The following RBM20 variants were observed in gnomAD, a reference collection of about 807,000 sequenced individuals.
The protein encoded by RBM20 is RNA binding motif protein 20.
In RBM20, 51 loss-of-function variants were observed where a neutral mutation model predicts 110.1. The observed-to-expected ratio is 0.46, with a 90% CI of 0.37 to 0.59. The LOEUF is 0.59. Among genes scored for constraint, RBM20 ranks in the 20% least tolerant of loss-of-function variants. RBM20 has a pLI of 0.00. For missense variants in RBM20, 1,512 were observed against 1,574.9 expected, an observed-to-expected ratio of 0.96 and a Z score of 0.68; for synonymous variants, 589 against 618.2, an observed-to-expected ratio of 0.95 and a Z score of 0.70.
At chr10:110,830,912 G>T (rs913676107) in intron 12 of RBM20, 149 bp from the exon 13 acceptor site, 5 of 702,752 alleles carry the variant, frequency 7.1e-6, no homozygotes, top group Non-Finnish European at 1.2e-5. Flanking sequence ...GGAAACTGAG[G>T]CTTGGAGAAG....
chr10:110,644,586 G>A lies in RBM20; in HGVS notation c.132G>A (p.Pro44=). ...CCGGCCCGCGAGGGATGCAGCAGCC[G>A]CCGCCGCCGCCCCAGCCACCGCCCC... ...APSGPRGMQQ[P]PPPPQPPPPP... The change falls in exon 1 of 14, where the codon CCG becomes CCA. Residue 44 remains proline, a synonymous_variant. Coordinates refer to ENST00000369519, the MANE Select transcript of RBM20 (RefSeq NM_001134363.3). The surrounding 1 kb of genome is among the most constrained non-coding windows in gnomAD (Gnocchi z 4.3). 6.6e-7 allele frequency: 1 copy of A among 1,524,566 alleles called. No individual in the cohort carries two copies. Among genetic ancestry groups the A allele is most frequent in the South Asian group, 1.2e-5 (1 of 82,222 alleles). 94.4% of individuals were successfully genotyped at this position (1,524,566 alleles called of 1,614,324 possible).
chr10:110,830,988 T>C (rs995876602), intron 12 of RBM20, 73 bp from the exon 13 acceptor site: 1 of 1,441,792 alleles, frequency 6.9e-7, no homozygotes, highest in Non-Finnish European at 9.3e-7. Context: ...TTCTACCTGA[T>C]GGCTGCCAGG....
chr10:110,785,931 C>T (rs766236488), intron 5 of RBM20, among the ~76,000 whole-genome samples: 28 of 152,174 alleles, frequency 1.8e-4, no homozygotes, highest in Non-Finnish European at 3.5e-4. Context: ...GTAAGGACTA[C>T]GCACCAGTAG....
At chr10:110,740,036 C>T (rs947140) in intron 1 of RBM20, among the ~76,000 whole-genome samples, 151,999 of 152,380 alleles carry the variant, frequency 1, 75,810 homozygotes, top group Middle Eastern at 1. Flanking sequence ...TCTGGAAACA[C>T]GGACAACAAG....
rs998660990 is a variant in RBM20, at chr10:110,781,929, G to T, written c.1275+45G>T. On this transcript the variant is annotated intron_variant, in intron 2 of 13. Coordinates refer to ENST00000369519, the MANE Select transcript of RBM20 (RefSeq NM_001134363.3). ...CTGGGAGCCACAGCTAGAAGCCTGG[G>T]CAGGCCTTTCCCCATGACCCAACTC... is the stretch of plus-strand genomic sequence containing the variant. The T allele has an allele frequency of 2.6e-6, 4 of 1,550,708 alleles. No homozygotes were observed. In the African/African-American group the frequency reaches 5.5e-5, roughly 21 times the overall value.
At chr10:110,789,632 G>C (rs1331832250) in intron 5 of RBM20, among the ~76,000 whole-genome samples, 1 of 151,926 alleles carries the variant, frequency 6.6e-6, no homozygotes, top group Non-Finnish European at 1.5e-5. Flanking sequence ...AATTTTTGGA[G>C]AGACAGGGTG....
intron 1 of RBM20, among the ~76,000 whole-genome samples, chr10:110,772,695 C>G (rs970080906): frequency 6.6e-6 from 1 of 152,222 alleles, no homozygotes; most frequent in Non-Finnish European, 1.5e-5. Context: ...AGACATGTCT[C>G]TATTGTTAAG....
chr10:110,692,427 A>G (rs78769377), intron 1 of RBM20, among the ~76,000 whole-genome samples: 2,524 of 152,254 alleles, frequency 0.017, 84 homozygotes, highest in Admixed American at 0.074. Flanking sequence ...GAGTTTATTC[A>G]GCAATGCTTT....
chr10:110,805,506 G>A (rs1307862961), intron 7 of RBM20, among the ~76,000 whole-genome samples: 1 of 152,212 alleles, frequency 6.6e-6, no homozygotes, highest in Non-Finnish European at 1.5e-5. Context: ...CTTTCCAGCA[G>A]CTCCCTTCAT....
intron 7 of RBM20, among the ~76,000 whole-genome samples, chr10:110,804,941 A>T (rs1279952212): frequency 6.6e-6 from 1 of 152,224 alleles, no homozygotes; most frequent in African/African-American, 2.4e-5. Context: ...TTTTGAGGGC[A>T]GAGGGTCTGG....
At chr10:110,687,377 T>G (rs1251766545) in intron 1 of RBM20, among the ~76,000 whole-genome samples, 1 of 152,248 alleles carries the variant, frequency 6.6e-6, no homozygotes, top group East Asian at 1.9e-4. Flanking sequence ...TTGGATGATG[T>G]GACAAAACAC....
intron 1 of RBM20, among the ~76,000 whole-genome samples, chr10:110,722,028 C>T (rs1843514092): frequency 1.3e-5 from 2 of 152,128 alleles, no homozygotes; most frequent in South Asian, 4.2e-4. Flanking sequence ...TGCCTTTTCT[C>T]TGCCTTTGAT....
intron 1 of RBM20, among the ~76,000 whole-genome samples, chr10:110,736,585 G>T (rs1359800091): frequency 6.6e-6 from 1 of 152,198 alleles, no homozygotes; most frequent in Non-Finnish European, 1.5e-5. Context: ...AGAGGGACAT[G>T]GTGGTTGCAG....
At position 110,831,677 on chromosome 10, in the gene RBM20, A is replaced by AC. The variant is rs1029352073; in HGVS notation, c.3573+495_3573+496insC. 6.0e-3 allele frequency among the ~76,000 whole-genome samples: 838 copies of AC among 139,828 alleles called. 17 individuals carry two copies. The highest frequency in any genetic ancestry group is 7.1e-3 in the Non-Finnish European group (447 of 62,860). The allele number at this position is 139,828 out of a possible 152,430, so 91.7% of individuals were successfully genotyped here. A position where few individuals can be genotyped will look rare whatever the true frequency, so the allele number is the denominator to read the frequency against. On this transcript the variant is annotated intron_variant, in intron 13 of 13. Coordinates refer to ENST00000369519, the MANE Select transcript of RBM20 (RefSeq NM_001134363.3). ...CCTGCTTGCTAGAATAAAAAAAAAA[A>AC]AAAAAAAAAAAAAACACTGCTTTGT...
intron 1 of RBM20, among the ~76,000 whole-genome samples, chr10:110,695,057 A>G (rs904929029): frequency 6.6e-6 from 1 of 152,188 alleles, no homozygotes; most frequent in Admixed American, 6.5e-5. Context: ...GTCACTTCAA[A>G]GGATTCTTAA....
intron 1 of RBM20, among the ~76,000 whole-genome samples, chr10:110,670,383 C>T (rs1401855217): frequency 6.6e-6 from 1 of 152,220 alleles, no homozygotes; most frequent in Non-Finnish European, 1.5e-5. Context: ...AAGAATGTGG[C>T]ACATCCTTAG....
At chr10:110,679,934 CG>C (rs1314004571) in intron 1 of RBM20, among the ~76,000 whole-genome samples, 10 of 152,312 alleles carry the variant, frequency 6.6e-5, no homozygotes, top group Non-Finnish European at 1.5e-4. Flanking sequence ...AGACGGTCGG[CG>C]GGCACCTCAA....
intron 1 of RBM20, among the ~76,000 whole-genome samples, chr10:110,770,987 G>T (rs916277351): frequency 1.3e-5 from 2 of 152,184 alleles, no homozygotes; most frequent in African/African-American, 4.8e-5. Flanking sequence ...TTTTGTCCGT[G>T]TTCAAAGACT....
At chr10:110,654,006 T>C (rs1025331009) in intron 1 of RBM20, among the ~76,000 whole-genome samples, 4 of 152,348 alleles carry the variant, frequency 2.6e-5, no homozygotes, top group East Asian at 1.9e-4. Flanking sequence ...TTGGCAAAGA[T>C]AGGCTAAGAG....
Sources: gnomAD v4.1 joint callset for allele counts (sites outside exome capture counted in the v4.1 genomes callset) on GRCh38, gnomAD v4.1.1 for gene constraint, Gnocchi (gnomAD v3.1) non-coding constraint, MANE v1.5 for transcripts, NCBI Gene and HGNC (gene_info 2026-07-23, HGNC 2026-07-21) for gene names.